The following LRBA variants were observed in gnomAD, a reference collection of about 807,000 sequenced individuals.
LRBA encodes the protein lipopolysaccharide-responsive and beige-like anchor protein.
Under a neutral mutation model 330.0 loss-of-function variants are expected in LRBA, and 176 were observed. That is an observed-to-expected ratio of 0.53 (90% CI 0.47 to 0.60). The LOEUF (loss-of-function observed/expected upper bound fraction) is 0.60, where lower values mean the gene tolerates loss of function less well. LRBA is among the 20% of genes least tolerant of loss of function. The pLI, the probability that LRBA is intolerant of heterozygous loss-of-function variation, is 0.00. For synonymous variants in LRBA, 1,230 were observed against 1,193.0 expected, an observed-to-expected ratio of 1.03 and a Z score of -0.64; for missense variants, 3,259 against 3,444.8, an observed-to-expected ratio of 0.95 and a Z score of 1.35.
At chr4:150,464,223 G>T (rs1215354198) in intron 44 of LRBA, among the ~76,000 whole-genome samples, 1 of 151,954 alleles carries the variant, frequency 6.6e-6, no homozygotes, top group Non-Finnish European at 1.5e-5. Context: ...GAAACAGAAG[G>T]CAAGGCAATA....
At chr4:150,523,582 T>C (rs111940287) in intron 40 of LRBA, among the ~76,000 whole-genome samples, 2 of 152,262 alleles carry the variant, frequency 1.3e-5, no homozygotes, top group African/African-American at 2.4e-5. Context: ...AATGCTCTAG[T>C]TGACATATCC....
intron 2 of LRBA, among the ~76,000 whole-genome samples, chr4:150,930,802 A>G (rs547326838): frequency 2.6e-5 from 4 of 152,332 alleles, no homozygotes; most frequent in East Asian, 3.9e-4. Context: ...CTCAGCATAC[A>G]ATGCTTTGTA....
chr4:150,632,672 G>A (rs566737117), intron 37 of LRBA, among the ~76,000 whole-genome samples: 1 of 152,178 alleles, frequency 6.6e-6, no homozygotes, highest in South Asian at 2.1e-4. Context: ...ACTCTCTCAT[G>A]TTGCCCCTGT....
rs2134957 is a variant in LRBA, at chr4:150,410,838, C to T, written c.7194+4600G>A. 6.8e-3 allele frequency among the ~76,000 whole-genome samples: 1,030 copies of T among 152,152 alleles called. 8 individuals are homozygous for T. The highest frequency in any genetic ancestry group is 0.011 in the Non-Finnish European group (721 of 67,976). On this transcript the variant is annotated intron_variant, in intron 47 of 56. Coordinates refer to ENST00000651943, the MANE Select transcript of LRBA (RefSeq NM_001364905.1). ...TTTTAAAGGTCAACTTTTAGTGATTCTCCCCAGAGTATGGTTTTCTTTGTC... is the reference window on the plus strand; with the variant it reads ...TTTTAAAGGTCAACTTTTAGTGATTTTCCCCAGAGTATGGTTTTCTTTGTC...
chr4:150,881,893 C>A (rs1287299221), intron 17 of LRBA, among the ~76,000 whole-genome samples: 1 of 152,088 alleles, frequency 6.6e-6, no homozygotes, highest in African/African-American at 2.4e-5. Flanking sequence ...TCGAGACCAG[C>A]CAGACCAACA....
intron 2 of LRBA, among the ~76,000 whole-genome samples, chr4:150,988,145 A>C (rs1201928387): frequency 2.0e-4 from 31 of 152,210 alleles, no homozygotes; most frequent in Admixed American, 2.0e-3. Context: ...CCCTATGTAT[A>C]AACCCATGGT....
chr4:150,893,078 A>C lies in LRBA; in HGVS notation c.2139T>G (p.Pro713=). 2 of 1,611,388 alleles carry C rather than the reference A, an allele frequency of 1.2e-6. No homozygotes were observed. The highest frequency in any genetic ancestry group is 8.5e-7 in the Non-Finnish European group (1 of 1,178,358). ...LMSEHPNSMI[P]AFDQRNGLRV... Reference sequence around the variant, plus strand: ...GTAACCCATTCCTTTGGTCAAAAGCAGGAATCATAGAGTTAGGGTGTTCTG... The same window carrying C: ...GTAACCCATTCCTTTGGTCAAAAGCCGGAATCATAGAGTTAGGGTGTTCTG... Residue 713 remains proline, a synonymous_variant, in exon 17 of 57, where the codon CCT becomes CCG. Coordinates refer to ENST00000651943, the MANE Select transcript of LRBA (RefSeq NM_001364905.1).
chr4:150,892,573 G>A (rs182551983), intron 17 of LRBA, among the ~76,000 whole-genome samples: 95 of 152,314 alleles, frequency 6.2e-4, no homozygotes, highest in African/African-American at 2.1e-3. Context: ...CTCCAGAACT[G>A]TGAGAAACCA....
At chr4:150,795,545 C>A (rs1740662888) in intron 34 of LRBA, among the ~76,000 whole-genome samples, 1 of 151,934 alleles carries the variant, frequency 6.6e-6, no homozygotes, top group African/African-American at 2.4e-5. Flanking sequence ...TTTTTACAAA[C>A]CTCATATTTT....
chr4:150,977,037 G>A (rs1232056065), intron 2 of LRBA, among the ~76,000 whole-genome samples: 1 of 152,174 alleles, frequency 6.6e-6, no homozygotes, highest in African/African-American at 2.4e-5. Flanking sequence ...GGGCAGTCTA[G>A]GCCACAAGGA....
intron 37 of LRBA, among the ~76,000 whole-genome samples, chr4:150,646,534 T>C (rs1779154599): frequency 6.6e-6 from 1 of 151,976 alleles, no homozygotes; most frequent in East Asian, 1.9e-4. Flanking sequence ...ACTTGGTAAA[T>C]AAATAAATGT....
Position 150,828,372 on chromosome 4 carries a change from T to C in LRBA, c.4979A>G (p.Asn1660Ser), listed in dbSNP as rs376337547. Residue 1660 changes from asparagine (N) to serine (S), a missense_variant, in exon 30 of 57, where the codon AAT (asparagine) becomes AGT (serine). By Grantham distance (46) the Asn-to-Ser change is conservative. Coordinates refer to ENST00000651943, the MANE Select transcript of LRBA (RefSeq NM_001364905.1). Reference sequence around the variant, plus strand: ...CGGTGTAGCCTTAGTGTCCAAGTCATTTCCTCTATCATTTTTGGTTTCCGG... The same window carrying C: ...CGGTGTAGCCTTAGTGTCCAAGTCACTTCCTCTATCATTTTTGGTTTCCGG... ...KSPETKNDRG[N>S]DLDTKATPSV... 2.5e-6 allele frequency: 4 copies of C among 1,613,926 alleles called. No homozygotes were observed. In the African/African-American group the frequency reaches 5.3e-5, roughly 22 times the overall value.
intron 37 of LRBA, among the ~76,000 whole-genome samples, chr4:150,674,488 A>T (rs1259760901): frequency 6.6e-6 from 1 of 152,172 alleles, no homozygotes; most frequent in Non-Finnish European, 1.5e-5. Flanking sequence ...TATACACTTC[A>T]CAGGGTTGTT....
chr4:151,011,784 C>T (rs1272942092), intron 2 of LRBA, among the ~76,000 whole-genome samples: 1 of 151,900 alleles, frequency 6.6e-6, no homozygotes, highest in African/African-American at 2.4e-5. Flanking sequence ...AAGGGATCCT[C>T]CCACCTCATC....
chr4:150,409,149 G>C (rs942706685), intron 47 of LRBA, among the ~76,000 whole-genome samples: 6 of 151,982 alleles, frequency 3.9e-5, no homozygotes, highest in Non-Finnish European at 7.4e-5. Context: ...AATTTGGACA[G>C]ACAGACATGC....
chr4:150,645,202 A>AT (rs34452226), intron 37 of LRBA, among the ~76,000 whole-genome samples: 54,827 of 143,546 alleles, frequency 0.38, 10,476 homozygotes, highest in Non-Finnish European at 0.42. Flanking sequence ...GCATAGACTG[A>AT]TTTTTTTTTT....
At chr4:150,776,311 T>C (rs1476413461) in intron 34 of LRBA, among the ~76,000 whole-genome samples, 1 of 151,758 alleles carries the variant, frequency 6.6e-6, no homozygotes, top group Non-Finnish European at 1.5e-5. Flanking sequence ...AGCCAGACTG[T>C]GTCTCAAAAA....
At chr4:150,371,929 A>G (rs565020059) in intron 47 of LRBA, among the ~76,000 whole-genome samples, 7 of 152,218 alleles carry the variant, frequency 4.6e-5, no homozygotes, top group African/African-American at 1.4e-4. Flanking sequence ...TCATAGTCCT[A>G]TTCCTTGTCA....
At chr4:150,938,237 G>T (rs571077234) in intron 2 of LRBA, among the ~76,000 whole-genome samples, 46 of 152,212 alleles carry the variant, frequency 3.0e-4, no homozygotes, top group Non-Finnish European at 4.1e-4. Context: ...TTAACTAAGA[G>T]TAAGCTTCTT....
Sources: allele counts gnomAD v4.1 joint callset (sites outside exome capture counted in the v4.1 genomes callset), GRCh38; gene constraint gnomAD v4.1.1; transcripts MANE v1.5; gene names NCBI Gene and HGNC (gene_info 2026-07-23, HGNC 2026-07-21).